Variants in CCDC138 observed in about 807,000 individuals in gnomAD.
CCDC138 encodes the protein coiled-coil domain-containing protein 138.
CCDC138 carries 66 observed loss-of-function variants against 82.3 expected under a neutral mutation model. The ratio of observed to expected loss-of-function variants is 0.80; its 90% confidence interval spans 0.66 to 0.98. The LOEUF is 0.98. Among genes scored for constraint, CCDC138 ranks in the 50% least tolerant of loss-of-function variants. The pLI is 0.00. For missense variants in CCDC138, 816 were observed against 758.9 expected, an observed-to-expected ratio of 1.08 and a Z score of -0.88; for synonymous variants, 297 against 265.4, an observed-to-expected ratio of 1.12 and a Z score of -1.16.
chr2:108,877,353 C>G (rs1696101163), downstream of CCDC138, among the ~76,000 whole-genome samples: 3 of 151,932 alleles, frequency 2.0e-5, no homozygotes, highest in African/African-American at 4.8e-5. Context: ...GTGATCCTAG[C>G]TACTCGGGAG....
intron 1 of CCDC138, chr2:108,882,305 G>C (rs1401641074): frequency 6.6e-6 from 1 of 152,176 alleles, no homozygotes; most frequent in East Asian, 1.9e-4. Context: ...CTCACCAGAT[G>C]CAGGGTTGCC....
At chr2:108,854,615 G>T (rs1668160603) in intron 12 of CCDC138, among the ~76,000 whole-genome samples, 2 of 152,104 alleles carry the variant, frequency 1.3e-5, no homozygotes, top group South Asian at 4.1e-4. Context: ...CAGAGACTTA[G>T]TGGCTTAGCT....
chr2:108,790,626 C>G (rs920578572), intron 3 of CCDC138, among the ~76,000 whole-genome samples: 6 of 152,090 alleles, frequency 3.9e-5, no homozygotes, highest in African/African-American at 1.4e-4. Flanking sequence ...TGCTTGGACC[C>G]GGAGGCAGAG....
chr2:108,793,302 C>G (rs2149455608), intron 4 of CCDC138, among the ~76,000 whole-genome samples: 1 of 152,212 alleles, frequency 6.6e-6, no homozygotes, highest in Non-Finnish European at 1.5e-5. Flanking sequence ...CACTGCACTC[C>G]AGCCTGGGCG....
At chr2:108,861,857 GT>G (rs1275559163) in intron 13 of CCDC138, among the ~76,000 whole-genome samples, 2 of 151,996 alleles carry the variant, frequency 1.3e-5, no homozygotes, top group Admixed American at 6.6e-5. Context: ...TCTTAGCACT[GT>G]TTTTACTGTA....
intron 13 of CCDC138, among the ~76,000 whole-genome samples, chr2:108,870,340 G>C (rs1030455489): frequency 3.3e-5 from 5 of 152,270 alleles, no homozygotes; most frequent in African/African-American, 1.2e-4. Flanking sequence ...AAAAAGAAAA[G>C]TGAACAGAGT....
At chr2:108,811,162 C>T (rs796385916) in intron 7 of CCDC138, among the ~76,000 whole-genome samples, 3 of 150,484 alleles carry the variant, frequency 2.0e-5, no homozygotes, top group East Asian at 3.9e-4. Context: ...TTCCCTACCC[C>T]CCTAACCCTG....
At chr2:108,831,712 C>CCTTCCTTCCTTCCTTCCTTCCTTCCTT (rs1687680226) in intron 10 of CCDC138, among the ~76,000 whole-genome samples, 1 of 151,234 alleles carries the variant, frequency 6.6e-6, no homozygotes, top group African/African-American at 2.4e-5. Context: ...TTCCTTCCTT[C>CCTTCCTTCCTTCCTTCCTTCCTTCCTT]CTTCCTTCCT....
chr2:108,786,905 GC>G lies in CCDC138; in HGVS notation c.87del (p.Asp30ThrfsTer18). ...LKSRYGLGGS[C>X]PDEYDFSNFY... ...AGCCGCTACGGACTCGGGGGCAGCT[GC>G]CCCGACGAGGTGAAGCCGCCGCCTG... On this transcript the variant is annotated frameshift_variant, in exon 1 of 15. Transcript: ENST00000295124. LOFTEE classifies it high-confidence loss of function. 6.5e-7 allele frequency: 1 copy of G among 1,539,530 alleles called. No homozygotes were observed. The highest frequency in any genetic ancestry group is 8.7e-7 in the Non-Finnish European group (1 of 1,145,746).
Position 108,846,798 on chromosome 2 carries a change from A to G in CCDC138, c.1384A>G (p.Thr462Ala), listed in dbSNP as rs974967259. 2 of 1,612,950 alleles carry G rather than the reference A, an allele frequency of 1.2e-6. No homozygotes were observed. Among genetic ancestry groups the G allele is most frequent in the Admixed American group, 3.3e-5 (2 of 59,960 alleles). Residue 462 changes from threonine (T) to alanine (A), a missense_variant, in exon 12 of 15, where the codon ACT becomes GCT. Thr to Ala is a moderately conservative substitution (Grantham distance 58). Transcript: ENST00000295124. ...LGEDIFKGVV[T>A]KGIQDNSPQH... ...TGAAGACATTTTTAAAGGAGTGGTAACTAAAGGAATTCAGGATAATTCTCC... is the reference window on the plus strand; with the variant it reads ...TGAAGACATTTTTAAAGGAGTGGTAGCTAAAGGAATTCAGGATAATTCTCC...
At chr2:108,844,282 C>T (rs554657190) in intron 11 of CCDC138, among the ~76,000 whole-genome samples, 3 of 152,190 alleles carry the variant, frequency 2.0e-5, no homozygotes, top group African/African-American at 7.2e-5. Flanking sequence ...AGGTTGTTTG[C>T]AGTTGTTCAG....
At chr2:108,867,741 C>T (rs996690943) in intron 13 of CCDC138, among the ~76,000 whole-genome samples, 2 of 152,110 alleles carry the variant, frequency 1.3e-5, no homozygotes, top group African/African-American at 4.8e-5. Flanking sequence ...TTTCTTTAGC[C>T]TTATCCAGTT....
At chr2:108,868,000 A>C (rs1694688231) in intron 13 of CCDC138, among the ~76,000 whole-genome samples, 1 of 152,230 alleles carries the variant, frequency 6.6e-6, no homozygotes, top group Non-Finnish European at 1.5e-5. Flanking sequence ...AGGAACTTGG[A>C]TTCTGAGCAT....
intron 12 of CCDC138, among the ~76,000 whole-genome samples, chr2:108,852,833 C>T (rs1031853159): frequency 1.3e-5 from 2 of 152,078 alleles, no homozygotes; most frequent in African/African-American, 2.4e-5. Flanking sequence ...ATCTGTACAA[C>T]AAACTCCTAT....
downstream of CCDC138, among the ~76,000 whole-genome samples, chr2:108,881,531 G>A (rs569303964): frequency 6.4e-4 from 98 of 152,256 alleles, no homozygotes; most frequent in African/African-American, 1.4e-3. Flanking sequence ...TCACAACTTC[G>A]TAGTTTGGCA....
intron 6 of CCDC138, among the ~76,000 whole-genome samples, chr2:108,800,897 G>C (rs1253490299): frequency 8.5e-6 from 1 of 118,190 alleles, no homozygotes; most frequent in Non-Finnish European, 1.8e-5. Flanking sequence ...TTGTTCTTGC[G>C]ATAGTTTACT....
chr2:108,882,717 TCTC>T (rs1696326866), exon 2 of CCDC138: 1 of 152,250 alleles, frequency 6.6e-6, no homozygotes, highest in Admixed American at 6.5e-5. Context: ...TTCATTTTCT[TCTC>T]AGGCCTCCTC....
chr2:108,881,831 AACAATT>A (rs1696299796), intron 1 of CCDC138, among the ~76,000 whole-genome samples: 1 of 152,284 alleles, frequency 6.6e-6, no homozygotes, highest in South Asian at 2.1e-4. Flanking sequence ...GGCATCCTGA[AACAATT>A]ACAATAGTAA....
Position 108,786,899 on chromosome 2 carries a change from GCAGCT to G in CCDC138, c.78_82del (p.Ser27ProfsTer5). 1 of 1,550,356 alleles carries G rather than the reference GCAGCT, an allele frequency of 6.5e-7. No individual in the cohort carries two copies. The highest frequency in any genetic ancestry group is 8.7e-7 in the Non-Finnish European group (1 of 1,151,372). On this transcript the variant is annotated frameshift_variant, in exon 1 of 15. Transcript: ENST00000295124. LOFTEE classifies it high-confidence loss of function. ...CTCAAAAGCCGCTACGGACTCGGGG[GCAGCT>G]GCCCCGACGAGGTGAAGCCGCCGCC...
Sources: gnomAD v4.1 joint callset for allele counts (sites outside exome capture counted in the v4.1 genomes callset) on GRCh38, gnomAD v4.1.1 for gene constraint, MANE v1.5 for transcripts, NCBI Gene and HGNC (gene_info 2026-07-23, HGNC 2026-07-21) for gene names.